IPO7: variants seen among roughly 807,000 people sequenced by gnomAD.
IPO7 encodes importin 7.
A neutral mutation model predicts 136.4 loss-of-function variants in IPO7; 13 were observed. That is an observed-to-expected ratio of 0.10 (90% CI 0.06 to 0.15). The LOEUF (loss-of-function observed/expected upper bound fraction) is 0.15, where lower values mean the gene tolerates loss of function less well. IPO7 is among the 10% of genes least tolerant of loss of function. The probability of loss-of-function intolerance (pLI) is 1.00; values close to 1 mark genes in which losing one functional copy is unlikely to be tolerated. For missense variants in IPO7, 857 were observed against 1,240.6 expected, an observed-to-expected ratio of 0.69 and a Z score of 4.65; for synonymous variants, 403 against 404.4, an observed-to-expected ratio of 1.00 and a Z score of 0.04.
chr11:9,423,356 G>A (rs963848358), intron 9 of IPO7, among the ~76,000 whole-genome samples: 1 of 152,096 alleles, frequency 6.6e-6, no homozygotes, highest in Admixed American at 6.5e-5. Context: ...ATCCAAAACT[G>A]TTGTCTTCAA....
intron 21 of IPO7, 34 bp from the exon 22 acceptor site, chr11:9,438,046 T>TTTTG: frequency 2.4e-5 from 3 of 125,930 alleles, no homozygotes; most frequent in African/African-American, 1.3e-4. Context: ...AAGAAAACAG[T>TTTTG]TTTTTTTTTT....
At chr11:9,397,903 T>C (rs769697552) in intron 1 of IPO7, among the ~76,000 whole-genome samples, 2 of 152,240 alleles carry the variant, frequency 1.3e-5, no homozygotes, top group South Asian at 2.1e-4. Context: ...TATTTTGTAA[T>C]TGAGACTTAG....
At chr11:9,406,249 C>T (rs1854885882) in intron 2 of IPO7, among the ~76,000 whole-genome samples, 1 of 151,184 alleles carries the variant, frequency 6.6e-6, no homozygotes, top group Admixed American at 6.6e-5. Context: ...GTGATCCTCT[C>T]GCCTCAGCCT....
chr11:9,423,962 T>C (rs1855169044), intron 10 of IPO7, 86 bp downstream of exon 10: 2 of 711,744 alleles, frequency 2.8e-6, no homozygotes, highest in Admixed American at 2.4e-5. Context: ...GGGGGTATTA[T>C]GTATCTTCTT....
intron 1 of IPO7, among the ~76,000 whole-genome samples, chr11:9,402,453 A>G (rs938931430): frequency 2.1e-5 from 3 of 145,540 alleles, no homozygotes; most frequent in East Asian, 2.1e-4. Flanking sequence ...GTCAGACGCA[A>G]TGGCTCACGC....
At chr11:9,422,898 TTGA>T (rs943264779) in intron 8 of IPO7, 105 bp from the exon 9 acceptor site, 105 of 586,782 alleles carry the variant, frequency 1.8e-4, no homozygotes, top group African/African-American at 1.7e-3. Context: ...GTTGTTTTTC[TTGA>T]TGATGAGCTT....
chr11:9,444,077 G>T (rs1305684709), intron 24 of IPO7, among the ~76,000 whole-genome samples: 1 of 151,772 alleles, frequency 6.6e-6, no homozygotes, highest in Non-Finnish European at 1.5e-5. Flanking sequence ...GAGTTTGAGA[G>T]CAGCCTGGCC....
chr11:9,420,192 C>T (rs1855106871), intron 6 of IPO7: 1 of 484,030 alleles, frequency 2.1e-6, no homozygotes. Context: ...TGGCGGCCAC[C>T]TGTAGTCCCA....
intron 4 of IPO7, among the ~76,000 whole-genome samples, chr11:9,412,769 C>G (rs1230378155): frequency 3.3e-5 from 5 of 151,690 alleles, no homozygotes; most frequent in Non-Finnish European, 5.9e-5. Context: ...AAGGTTGAGG[C>G]TTCAGTGAGC....
At chr11:9,396,075 T>C (rs1407270106) in intron 1 of IPO7, among the ~76,000 whole-genome samples, 1 of 151,878 alleles carries the variant, frequency 6.6e-6, no homozygotes, top group African/African-American at 2.4e-5. Flanking sequence ...TACTTATATG[T>C]TTTTGAAGGT....
chr11:9,406,104 CTTTTTTTTTTT>C (rs71062847), intron 2 of IPO7, among the ~76,000 whole-genome samples: 2 of 61,840 alleles, frequency 3.2e-5, no homozygotes, highest in African/African-American at 1.5e-4. Context: ...TGAGGCTGGT[CTTTTTTTTTTT>C]TTTTTTTTTT....
intron 8 of IPO7, among the ~76,000 whole-genome samples, chr11:9,422,314 TATC>T (rs1266472358): frequency 3.9e-5 from 6 of 151,928 alleles, no homozygotes; most frequent in Non-Finnish European, 8.8e-5. Context: ...GTGAATTTAA[TATC>T]ATACTCTTGA....
chr11:9,404,648 C>T (rs1854853708), intron 2 of IPO7, among the ~76,000 whole-genome samples: 1 of 148,366 alleles, frequency 6.7e-6, no homozygotes, highest in South Asian at 2.1e-4. Context: ...TCACTGCAAG[C>T]TCCGCCTCCC....
chr11:9,442,423 T>TGTTC (rs1855471854), intron 24 of IPO7, among the ~76,000 whole-genome samples: 1 of 152,088 alleles, frequency 6.6e-6, no homozygotes, highest in Non-Finnish European at 1.5e-5. Flanking sequence ...TTTGTTTGTT[T>TGTTC]GTTTGTTTGA....
rs766579077 is a variant in IPO7 at position 9,423,074 on chromosome 11, A to G, written c.975A>G (p.Thr325=). 3.8e-6 allele frequency: 6 copies of G among 1,592,062 alleles called. No individual in the cohort carries two copies. The highest frequency in any genetic ancestry group is 3.3e-5 in the South Asian group (3 of 90,172). ...TGGCTCCTCGAGTTTTACAACAGAC[A>G]TTAAATTATATTAATCAAGGAGTTT... ...QYMAPRVLQQ[T]LNYINQGVSH... The change falls in exon 9 of 25, where the codon ACA becomes ACG. Residue 325 remains threonine (T), a synonymous_variant. Coordinates refer to ENST00000379719, the MANE Select transcript of IPO7 (RefSeq NM_006391.3).
chr11:9,417,923 G>C (rs1855064818), intron 6 of IPO7, among the ~76,000 whole-genome samples: 1 of 151,922 alleles, frequency 6.6e-6, no homozygotes, highest in South Asian at 2.1e-4. Flanking sequence ...ATGTTGGCCA[G>C]GCTGGTCTCA....
rs551767103 is a variant in IPO7 at position 9,413,124 on chromosome 11, C to T, written c.480-1131C>T. On this transcript the variant is annotated intron_variant, in intron 4 of 24. Coordinates refer to ENST00000379719, the MANE Select transcript of IPO7 (RefSeq NM_006391.3). ...TGATCTCCTGACCTCGTGATCCTCCCGCCTCGGCCTCCCAAAGTGCTAGGA... is the reference window on the plus strand; with the variant it reads ...TGATCTCCTGACCTCGTGATCCTCCTGCCTCGGCCTCCCAAAGTGCTAGGA... Among the ~76,000 whole-genome samples the T allele has an allele frequency of 7.2e-5, 11 of 152,154 alleles. 1 individual carries two copies. The highest frequency in any genetic ancestry group is 2.2e-4 in the African/African-American group (9 of 41,524).
intron 16 of IPO7, chr11:9,433,265 C>G (rs1016588453): frequency 3.4e-6 from 1 of 295,668 alleles, no homozygotes; most frequent in African/African-American, 2.2e-5. Context: ...GGATTACAGG[C>G]GTGAGCCACC....
chr11:9,399,787 T>TA (rs1409674631), intron 1 of IPO7, among the ~76,000 whole-genome samples: 3 of 152,246 alleles, frequency 2.0e-5, no homozygotes, highest in Admixed American at 1.3e-4. Flanking sequence ...GTGGCATAGG[T>TA]GGAAGGGTGT....
Sources: gnomAD v4.1 joint callset for allele counts (sites outside exome capture counted in the v4.1 genomes callset) on GRCh38, gnomAD v4.1.1 for gene constraint, MANE v1.5 for transcripts, NCBI Gene and HGNC (gene_info 2026-07-23, HGNC 2026-07-21) for gene names.